NARF: variants seen among roughly 807,000 people sequenced by gnomAD.
NARF encodes the protein iron-only hydrogenase-like protein 2.
A neutral mutation model predicts 48.0 loss-of-function variants in NARF; 41 were observed. That is an observed-to-expected ratio of 0.85 (90% CI 0.66 to 1.11). The LOEUF (loss-of-function observed/expected upper bound fraction) is 1.11, where lower values mean the gene tolerates loss of function less well. Ranked by LOEUF, NARF falls within the 50% of genes least tolerant of loss-of-function variation. The pLI, the probability that NARF is intolerant of heterozygous loss-of-function variation, is 0.00. For missense variants in NARF, 613 were observed against 590.2 expected (o/e 1.04, Z -0.40); for synonymous variants, 215 against 225.5 (o/e 0.95, Z 0.42).
Position 82,478,560 on chromosome 17 carries a change from C to T in NARF, c.521-240C>T, listed in dbSNP as rs759916441. The T allele has an allele frequency of 1.2e-5, 7 of 604,030 alleles. 1 individual carries two copies. The highest frequency in any genetic ancestry group is 4.6e-5 in the South Asian group (3 of 65,864). 37.4% of individuals were successfully genotyped at this position (604,030 alleles called of 1,614,324 possible). A position where few individuals can be genotyped will look rare whatever the true frequency, so the allele number is the denominator to read the frequency against. ...GTTACTCCGACTCTTACTTGTCTGT[C>T]GGCCTTGCAGGGATGCTCCCATTTC... On this transcript the variant is annotated intron_variant, in intron 5 of 10. Coordinates refer to ENST00000309794, the MANE Select transcript of NARF (RefSeq NM_012336.4).
intron 5 of NARF, among the ~76,000 whole-genome samples, chr17:82,474,872 G>A (rs555940871): frequency 5.9e-5 from 9 of 152,306 alleles, no homozygotes; most frequent in African/African-American, 2.2e-4. Flanking sequence ...GGACAGGGAT[G>A]TTAGTGACTT....
intron 8 of NARF, 121 bp from the exon 9 acceptor site, chr17:82,484,692 C>A: frequency 7.8e-7 from 1 of 1,274,936 alleles, no homozygotes; most frequent in Non-Finnish European, 1.1e-6. Flanking sequence ...AACATCTGTA[C>A]AGGATTTAGC....
intron 6 of NARF, among the ~76,000 whole-genome samples, chr17:82,479,493 C>T (rs2043911293): frequency 6.6e-6 from 1 of 152,220 alleles, no homozygotes; most frequent in Non-Finnish European, 1.5e-5. Flanking sequence ...CGTGTTCTCC[C>T]TTCCCACAAC....
At chr17:82,465,369 C>T (rs937914223) in intron 3 of NARF, among the ~76,000 whole-genome samples, 1 of 152,202 alleles carries the variant, frequency 6.6e-6, no homozygotes, top group African/African-American at 2.4e-5. Context: ...GGTTTCCATG[C>T]TGTCACCTCC....
chr17:82,485,458 G>C (rs1725011651), intron 9 of NARF, 39 bp from the exon 10 acceptor site: 6 of 1,604,834 alleles, frequency 3.7e-6, no homozygotes, highest in Admixed American at 1.7e-5. Flanking sequence ...CACAGATAAA[G>C]GACTTGATGG....
intron 5 of NARF, among the ~76,000 whole-genome samples, chr17:82,474,298 A>G (rs1032017276): frequency 1.3e-5 from 2 of 152,222 alleles, no homozygotes; most frequent in African/African-American, 2.4e-5. Flanking sequence ...ACAGAATAAG[A>G]AAATTTCTTT....
In NARF at chr17:82,467,664, C is replaced by T. The variant is rs557846936; in HGVS notation, c.253-1100C>T. On this transcript the variant is annotated intron_variant, in intron 3 of 10. Transcript: ENST00000309794. ...GGATTACAGGCACATGCCACCACACCCAGCTAATTTTTGTATTTTTAGTAG... is the reference window on the plus strand; with the variant it reads ...GGATTACAGGCACATGCCACCACACTCAGCTAATTTTTGTATTTTTAGTAG... 3.9e-5 allele frequency among the ~76,000 whole-genome samples: 6 copies of T among 152,028 alleles called. No homozygotes were observed. In the South Asian group the frequency reaches 1.2e-3, roughly 32 times the overall value.
chr17:82,458,787 C>A lies in NARF; in HGVS notation c.-17C>A. On this transcript the variant is annotated 5_prime_UTR_variant, in exon 1 of 11. Coordinates refer to ENST00000309794, the MANE Select transcript of NARF (RefSeq NM_012336.4). ...CCTGAGGCTGAGGCGCCCGGCCTCC[C>A]GCCCGCCGCGCTCCAGATGAAGTGT... 6.8e-7 allele frequency: 1 copy of A among 1,462,704 alleles called. No individual in the cohort carries two copies. Among genetic ancestry groups the A allele is most frequent in the Admixed American group, 2.7e-5 (1 of 36,970 alleles). 90.6% of individuals were successfully genotyped at this position (1,462,704 alleles called of 1,614,324 possible). A position where few individuals can be genotyped will look rare whatever the true frequency, so the allele number is the denominator to read the frequency against.
chr17:82,478,184 G>A (rs2043877494), intron 5 of NARF, among the ~76,000 whole-genome samples: 1 of 152,218 alleles, frequency 6.6e-6, no homozygotes, highest in South Asian at 2.1e-4. Context: ...TTGCTGTTGT[G>A]TGGTCAGCTG....
In NARF at chr17:82,471,055, C is replaced by T. The variant is rs147183772; in HGVS notation, c.386-1509C>T. Among the ~76,000 whole-genome samples, 374 of 151,520 alleles carry T rather than the reference C, an allele frequency of 2.5e-3. 7 individuals carry two copies. In the East Asian group the frequency reaches 0.054, roughly 22 times the overall value. ...GCAGACACCTGTAATCCCAGCTACT[C>T]GGGAGGCTGAGGCACAAGAATCGCT... On this transcript the variant is annotated intron_variant, in intron 4 of 10. Transcript: ENST00000309794.
rs749707972 is a variant in NARF at position 82,468,888 on chromosome 17, A to G, written c.377A>G (p.Lys126Arg). 2.3e-5 allele frequency: 37 copies of G among 1,613,522 alleles called. No homozygotes were observed. The highest frequency in any genetic ancestry group is 4.4e-5 in the South Asian group (4 of 90,790). Residue 126 changes from lysine (K) to arginine (R), a missense_variant, in exon 4 of 11, where the codon AAA (lysine) becomes AGA (arginine). By Grantham distance (26) the Lys-to-Arg change is conservative. Coordinates refer to ENST00000309794, the MANE Select transcript of NARF (RefSeq NM_012336.4). Reference protein sequence around the residue: ...DASRRLCGFLKSLGVHYVFDT... With the variant: ...DASRRLCGFLRSLGVHYVFDT... ...TCCAGAAGACTCTGTGGTTTCCTCA[A>G]AAGTCTTGGTGAGTCATCTTTTGAT...
At chr17:82,487,797 C>CAA in intron 10 of NARF, 119 bp from the exon 11 acceptor site, 3 of 505,660 alleles carry the variant, frequency 5.9e-6, no homozygotes, top group Non-Finnish European at 1.0e-5. Context: ...CCAATCTCTA[C>CAA]AAAAAATTTA....
intron 5 of NARF, 61 bp from the exon 6 acceptor site, chr17:82,478,739 G>A: frequency 1.3e-6 from 2 of 1,494,910 alleles, no homozygotes; most frequent in Non-Finnish European, 1.9e-6. Context: ...ATTCCCTGGT[G>A]CGTTACAGGA....
chr17:82,485,535 G>C lies in NARF; in HGVS notation c.1010G>C (p.Gly337Ala). Residue 337 changes from glycine to alanine, a missense_variant, in exon 10 of 11, where the codon GGA (glycine) becomes GCA (alanine). Coordinates refer to ENST00000309794, the MANE Select transcript of NARF (RefSeq NM_012336.4). ...DFQEVTLEKN[G>A]EVVLRFAAAY... ...CAAGAGGTCACCCTTGAGAAGAACG[G>C]AGAGGTGGTGTTACGCTTTGCTGCA... 2 of 1,614,248 alleles carry C rather than the reference G, an allele frequency of 1.2e-6. No individual in the cohort carries two copies. The highest frequency in any genetic ancestry group is 1.7e-6 in the Non-Finnish European group (2 of 1,180,048).
Position 82,485,540 on chromosome 17 carries a change from G to A in NARF, c.1015G>A (p.Val339Met). 1 of 1,614,260 alleles carries A rather than the reference G, an allele frequency of 6.2e-7. No individual in the cohort carries two copies. Among genetic ancestry groups the A allele is most frequent in the East Asian group, 2.2e-5 (1 of 44,892 alleles). ...QEVTLEKNGE[V>M]VLRFAAAYGF... ...GGTCACCCTTGAGAAGAACGGAGAG[G>A]TGGTGTTACGCTTTGCTGCAGCCTA... Residue 339 changes from valine (V) to methionine (M), a missense_variant, in exon 10 of 11, where the codon GTG becomes ATG. Coordinates refer to ENST00000309794, the MANE Select transcript of NARF (RefSeq NM_012336.4).
intron 5 of NARF, among the ~76,000 whole-genome samples, chr17:82,473,628 G>A (rs947042137): frequency 6.6e-6 from 1 of 152,234 alleles, no homozygotes; most frequent in East Asian, 1.9e-4. Context: ...TGGGATTACA[G>A]GCGTGAGCCA....
Position 82,488,408 on chromosome 17 carries a change from C to G in NARF, c.*251C>G. The G allele has an allele frequency of 2.3e-6, 1 of 443,976 alleles. No individual in the cohort carries two copies. Among genetic ancestry groups the G allele is most frequent in the Non-Finnish European group, 3.9e-6 (1 of 257,180 alleles). 27.5% of individuals were successfully genotyped at this position (443,976 alleles called of 1,614,324 possible). On this transcript the variant is annotated 3_prime_UTR_variant, in exon 11 of 11. Coordinates refer to ENST00000309794, the MANE Select transcript of NARF (RefSeq NM_012336.4). ...TTTTTTTTTTTGAGACGGAGTCTCACTCTGTCACCCAGGCTGGAGTGCAAT... is the reference window on the plus strand; with the variant it reads ...TTTTTTTTTTTGAGACGGAGTCTCAGTCTGTCACCCAGGCTGGAGTGCAAT...
In NARF at chr17:82,483,762, T is replaced by A; in HGVS notation, c.816T>A (p.Asp272Glu). 6.2e-7 allele frequency: 1 copy of A among 1,613,802 alleles called. No homozygotes were observed. The highest frequency in any genetic ancestry group is 8.5e-7 in the Non-Finnish European group (1 of 1,179,986). ...AGCAAGGTGACCTCTCAGTGAGAGA[T>A]GCTGCCGTCGACACTCTGTAAGTGG... ...IMEQGDLSVR[D>E]AAVDTLFGDL... Residue 272 changes from aspartate to glutamate, a missense_variant, in exon 8 of 11, where the codon GAT becomes GAA. Physicochemically the swap from Asp to Glu is conservative, Grantham distance 45. Transcript: ENST00000309794.
Position 82,488,285 on chromosome 17 carries a change from T to C in NARF, c.*128T>C, listed in dbSNP as rs1461440776. ...CCGCTCAATGGATTACTTTGGTTTC[T>C]CCGAGTTCCCTGCTACCCCGTTTAT... On this transcript the variant is annotated 3_prime_UTR_variant, in exon 11 of 11. Coordinates refer to ENST00000309794, the MANE Select transcript of NARF (RefSeq NM_012336.4). 1.1e-5 allele frequency: 15 copies of C among 1,404,028 alleles called. No homozygotes were observed. The highest frequency in any genetic ancestry group is 1.2e-5 in the Non-Finnish European group (13 of 1,063,640). 87.0% of individuals were successfully genotyped at this position (1,404,028 alleles called of 1,614,324 possible). A position where few individuals can be genotyped will look rare whatever the true frequency, so the allele number is the denominator to read the frequency against.
Sources: allele counts gnomAD v4.1 joint callset (sites outside exome capture counted in the v4.1 genomes callset), GRCh38; gene constraint gnomAD v4.1.1; transcripts MANE v1.5; gene names NCBI Gene and HGNC (gene_info 2026-07-23, HGNC 2026-07-21).